CACNA2D3: variants seen among roughly 807,000 people sequenced by gnomAD.
CACNA2D3 encodes the protein calcium voltage-gated channel auxiliary subunit alpha2delta 3.
CACNA2D3 carries 60 observed loss-of-function variants against 160.6 expected under a neutral mutation model. The ratio of observed to expected loss-of-function variants is 0.37; its 90% confidence interval spans 0.30 to 0.46. The LOEUF is 0.46. CACNA2D3 is among the 20% of genes least tolerant of loss of function. CACNA2D3 has a pLI of 1.00. For synonymous variants in CACNA2D3, 558 were observed against 492.9 expected, an observed-to-expected ratio of 1.13 and a Z score of -1.75; for missense variants, 1,205 against 1,365.0, an observed-to-expected ratio of 0.88 and a Z score of 1.85.
intron 16 of CACNA2D3, among the ~76,000 whole-genome samples, chr3:54,843,664 A>G (rs1169372745): frequency 6.6e-6 from 1 of 152,178 alleles, no homozygotes; most frequent in Non-Finnish European, 1.5e-5. Context: ...ACTTGGATCA[A>G]CCTGGAGGAT....
At chr3:54,604,837 A>G (rs1269088404) in intron 9 of CACNA2D3, among the ~76,000 whole-genome samples, 1 of 152,202 alleles carries the variant, frequency 6.6e-6, no homozygotes, top group Non-Finnish European at 1.5e-5. Context: ...ACATCAGATC[A>G]CATCCCTTCT....
chr3:54,365,432 G>T (rs913187408), intron 3 of CACNA2D3, among the ~76,000 whole-genome samples: 1 of 152,210 alleles, frequency 6.6e-6, no homozygotes. Flanking sequence ...TGTGGAATGC[G>T]TGATGGAGAT....
chr3:54,988,850 C>T (rs1702676970), intron 31 of CACNA2D3, among the ~76,000 whole-genome samples: 1 of 152,208 alleles, frequency 6.6e-6, no homozygotes, highest in African/African-American at 2.4e-5. Flanking sequence ...TGGCCTAGTG[C>T]CAGCACTTCT....
At chr3:54,183,892 GAAAAAAA>G (rs58956795) in intron 2 of CACNA2D3, among the ~76,000 whole-genome samples, 642 of 80,854 alleles carry the variant, frequency 7.9e-3, no homozygotes, top group Non-Finnish European at 0.012. Flanking sequence ...TCTCAAAAAA[GAAAAAAA>G]AAAAAAAAAA....
chr3:54,614,390 C>T (rs1698806760), intron 9 of CACNA2D3, among the ~76,000 whole-genome samples: 1 of 152,218 alleles, frequency 6.6e-6, no homozygotes, highest in Non-Finnish European at 1.5e-5. Context: ...CTTTCCCTCA[C>T]CATGTTTCCT....
intron 2 of CACNA2D3, among the ~76,000 whole-genome samples, chr3:54,184,117 A>C (rs576334314): frequency 6.6e-6 from 1 of 152,094 alleles, no homozygotes; most frequent in East Asian, 1.9e-4. Flanking sequence ...GTTGTTTTCT[A>C]TCTCTTTGAG....
intron 17 of CACNA2D3, among the ~76,000 whole-genome samples, chr3:54,847,507 C>CTT (rs1698960658): frequency 6.6e-6 from 1 of 152,222 alleles, no homozygotes; most frequent in African/African-American, 2.4e-5. Context: ...TCACTTCTCA[C>CTT]TTGCATCATT....
intron 35 of CACNA2D3, among the ~76,000 whole-genome samples, chr3:55,043,690 C>T (rs1304879407): frequency 6.6e-6 from 1 of 152,056 alleles, no homozygotes; most frequent in East Asian, 1.9e-4. Flanking sequence ...ACTTTTGTTT[C>T]ATATCTAAGA....
chr3:54,402,527 C>T (rs1252449038), intron 4 of CACNA2D3, among the ~76,000 whole-genome samples: 3 of 151,984 alleles, frequency 2.0e-5, no homozygotes, highest in Non-Finnish European at 4.4e-5. Flanking sequence ...ATGAAACTGT[C>T]ACAAAAGACA....
chr3:54,180,622 A>G lies in CACNA2D3; in HGVS notation c.204+57028A>G, dbSNP rs576158516. Among the ~76,000 whole-genome samples, 49 of 152,156 alleles carry G rather than the reference A, an allele frequency of 3.2e-4. 1 individual carries two copies. The South Asian group carries it at 7.5e-3, about 23-fold the overall frequency. On this transcript the variant is annotated intron_variant, in intron 2 of 37. Coordinates refer to ENST00000474759, the MANE Select transcript of CACNA2D3 (RefSeq NM_018398.3). Reference sequence around the variant, plus strand: ...CTGCCAGCCACTGCCCCCAGCCCCAATCATTGTTGGTAGCTATATATGTAG... The same window carrying G: ...CTGCCAGCCACTGCCCCCAGCCCCAGTCATTGTTGGTAGCTATATATGTAG...
intron 13 of CACNA2D3, among the ~76,000 whole-genome samples, chr3:54,779,100 A>T (rs1702482789): frequency 6.6e-6 from 1 of 151,786 alleles, no homozygotes; most frequent in African/African-American, 2.4e-5. Context: ...GTTACAACAG[A>T]AGGGCTTTTT....
intron 8 of CACNA2D3, among the ~76,000 whole-genome samples, chr3:54,574,704 TATC>T (rs1322133707): frequency 6.6e-6 from 1 of 152,200 alleles, no homozygotes; most frequent in African/African-American, 2.4e-5. Flanking sequence ...TTAACAATAT[TATC>T]ATAAAAATGA....
At chr3:54,709,011 CTTTTTT>C (rs35102613) in intron 11 of CACNA2D3, among the ~76,000 whole-genome samples, 1 of 142,126 alleles carries the variant, frequency 7.0e-6, no homozygotes, top group Non-Finnish European at 1.5e-5. Context: ...CCATCTTCAT[CTTTTTT>C]TTTTTTTTTC....
chr3:54,192,543 G>A (rs1171181157), intron 2 of CACNA2D3, among the ~76,000 whole-genome samples: 1 of 152,150 alleles, frequency 6.6e-6, no homozygotes, highest in Non-Finnish European at 1.5e-5. Context: ...ATGCTGTAGA[G>A]CATTGGAGCT....
chr3:54,730,456 C>A (rs996048627), intron 11 of CACNA2D3, among the ~76,000 whole-genome samples: 19 of 152,112 alleles, frequency 1.2e-4, no homozygotes, highest in African/African-American at 4.3e-4. Context: ...GAGTGTTTTG[C>A]CTCCTTTGGG....
In CACNA2D3 at chr3:54,809,608, G is replaced by A. The variant is rs996023424; in HGVS notation, c.1381-7245G>A. 2.3e-4 allele frequency among the ~76,000 whole-genome samples: 32 copies of A among 140,334 alleles called. 1 individual carries two copies. Among genetic ancestry groups the A allele is most frequent in the South Asian group, 8.4e-4 (4 of 4,786 alleles). The allele number at this position is 140,334 out of a possible 152,430, so 92.1% of individuals were successfully genotyped here. On this transcript the variant is annotated intron_variant, in intron 13 of 37. Transcript: ENST00000474759. The stretch of plus-strand genomic sequence containing the variant: ...GCTGGGATTACAGGCGTGAGCCACC[G>A]CGCCCGGCCCCTTCCTTCTTTCTTT...
chr3:54,988,886 C>G (rs1348369128), intron 31 of CACNA2D3, among the ~76,000 whole-genome samples: 1 of 152,222 alleles, frequency 6.6e-6, no homozygotes, highest in African/African-American at 2.4e-5. Context: ...CTTGCTTGCT[C>G]TCAGGCCTGC....
At chr3:55,021,643 A>ATATATG (rs1703452825) in intron 35 of CACNA2D3, among the ~76,000 whole-genome samples, 2 of 122,632 alleles carry the variant, frequency 1.6e-5, no homozygotes, top group African/African-American at 6.2e-5. Flanking sequence ...ATATATATAT[A>ATATATG]TGTGTATATA....
intron 13 of CACNA2D3, among the ~76,000 whole-genome samples, chr3:54,774,951 A>G (rs13090131): frequency 0.25 from 37,440 of 151,986 alleles, 4,741 homozygotes; most frequent in Admixed American, 0.31. Flanking sequence ...CTTGACTCTT[A>G]TTGGCTTAAT....
Sources: gnomAD v4.1 joint callset for allele counts (sites outside exome capture counted in the v4.1 genomes callset) on GRCh38, gnomAD v4.1.1 for gene constraint, MANE v1.5 for transcripts, NCBI Gene and HGNC (gene_info 2026-07-23, HGNC 2026-07-21) for gene names.